The following IL19 variants were observed in gnomAD, a reference collection of about 807,000 sequenced individuals.
IL19 encodes the protein interleukin-19.
IL19 carries 15 observed loss-of-function variants against 19.5 expected under a neutral mutation model. The ratio of observed to expected loss-of-function variants is 0.77; its 90% confidence interval spans 0.52 to 1.19. The LOEUF is 1.19. Ranked by LOEUF, IL19 falls within the 50% of genes most tolerant of loss-of-function variation. The pLI is 0.00. For missense variants in IL19, 199 were observed against 213.1 expected (o/e 0.93, Z 0.41); for synonymous variants, 78 against 78.3 (o/e 1.00, Z 0.02).
intron 2 of IL19, among the ~76,000 whole-genome samples, chr1:206,833,001 C>T (rs1676662661): frequency 6.6e-6 from 1 of 152,194 alleles, no homozygotes; most frequent in South Asian, 2.1e-4. Context: ...TTTGTACCAG[C>T]CCAGTGGGGT....
intron 2 of IL19, among the ~76,000 whole-genome samples, chr1:206,819,477 G>A (rs1676241349): frequency 6.6e-6 from 1 of 151,776 alleles, no homozygotes; most frequent in South Asian, 2.1e-4. Context: ...CTAGCTACTC[G>A]GGAGGCTGAG....
Position 206,842,779 on chromosome 1 carries a change from G to C in IL19, c.*157G>C, listed in dbSNP as rs1481133475. 1 of 545,472 alleles carries C rather than the reference G, an allele frequency of 1.8e-6. No individual in the cohort carries two copies. Among genetic ancestry groups the C allele is most frequent in the East Asian group, 2.9e-5 (1 of 34,264 alleles). 33.8% of individuals were successfully genotyped at this position (545,472 alleles called of 1,614,324 possible). A position where few individuals can be genotyped will look rare whatever the true frequency, so the allele number is the denominator to read the frequency against. ...GGCTGTCTTATTCCGCTTGAAAATA[G>C]CCAAAAAGTCTACTGTGGTATTTGT... On this transcript the variant is annotated 3_prime_UTR_variant, in exon 7 of 7. Coordinates refer to ENST00000659997, the MANE Select transcript of IL19 (RefSeq NM_153758.5).
At chr1:206,776,717 A>C (rs1675005718) in intron 1 of IL19, among the ~76,000 whole-genome samples, 1 of 151,888 alleles carries the variant, frequency 6.6e-6, no homozygotes, top group Non-Finnish European at 1.5e-5. Flanking sequence ...TGGTAAAGAG[A>C]GCTCACTAAA....
intron 4 of IL19, among the ~76,000 whole-genome samples, chr1:206,838,583 C>G (rs1326074968): frequency 2.6e-5 from 4 of 152,130 alleles, no homozygotes; most frequent in Non-Finnish European, 4.4e-5. Context: ...ACAGTGAGAC[C>G]TTGGGAGGGA....
At chr1:206,817,433 T>C (rs1298542860) in intron 2 of IL19, among the ~76,000 whole-genome samples, 1 of 152,238 alleles carries the variant, frequency 6.6e-6, no homozygotes, top group Admixed American at 6.5e-5. Flanking sequence ...AAAAACTCAA[T>C]GTCATTATAT....
At position 206,840,383 on chromosome 1, in the gene IL19, C is replaced by T. The variant is rs555554637; in HGVS notation, c.363+381C>T. 8.9e-6 allele frequency: 3 copies of T among 335,974 alleles called. No homozygotes were observed. The East Asian group carries it at 2.3e-4, about 26-fold the overall frequency. The allele number at this position is 335,974 out of a possible 1,614,324, so 20.8% of individuals were successfully genotyped here. A position where few individuals can be genotyped will look rare whatever the true frequency, so the allele number is the denominator to read the frequency against. On this transcript the variant is annotated intron_variant, in intron 5 of 6. Coordinates refer to ENST00000659997, the MANE Select transcript of IL19 (RefSeq NM_153758.5). ...GGTAGTTCCTTGGTATGGCCTATCC[C>T]TAAAGGTTACTTAGAAATTCATTGC...
intron 1 of IL19, among the ~76,000 whole-genome samples, chr1:206,788,625 C>T (rs1675319710): frequency 6.6e-6 from 1 of 152,074 alleles, no homozygotes; most frequent in South Asian, 2.1e-4. Flanking sequence ...TGCGCCTCAT[C>T]CAGGCCTCTG....
At chr1:206,785,653 A>G (rs1219507189) in intron 1 of IL19, among the ~76,000 whole-genome samples, 1 of 152,258 alleles carries the variant, frequency 6.6e-6, no homozygotes, top group Non-Finnish European at 1.5e-5. Flanking sequence ...GAGAGGGAGC[A>G]GAGTGTGACA....
intron 2 of IL19, among the ~76,000 whole-genome samples, chr1:206,809,901 A>C (rs1675955495): frequency 6.6e-6 from 1 of 152,236 alleles, no homozygotes; most frequent in Admixed American, 6.5e-5. Flanking sequence ...CCAGGTGTGG[A>C]ATCAACCATC....
chr1:206,821,562 G>A (rs1484356589), intron 2 of IL19, among the ~76,000 whole-genome samples: 1 of 152,230 alleles, frequency 6.6e-6, no homozygotes, highest in Admixed American at 6.5e-5. Context: ...TCCTCTGGAA[G>A]AGAAAGTGTG....
At chr1:206,804,166 A>G (rs894432844) in intron 2 of IL19, among the ~76,000 whole-genome samples, 3 of 152,168 alleles carry the variant, frequency 2.0e-5, no homozygotes, top group African/African-American at 7.2e-5. Context: ...ATATTTAAAT[A>G]TGGGTTGCTT....
In IL19 at chr1:206,829,936, G is replaced by A. The variant is rs185961362; in HGVS notation, c.-2-6725G>A. On this transcript the variant is annotated intron_variant, in intron 2 of 6. Coordinates refer to ENST00000659997, the MANE Select transcript of IL19 (RefSeq NM_153758.5). ...TGGCATAGGTGCCCAATGTGGATTTGTGCTTCCCTCCCCAGGAGCACAGGT... is the reference window on the plus strand; with the variant it reads ...TGGCATAGGTGCCCAATGTGGATTTATGCTTCCCTCCCCAGGAGCACAGGT... 2.0e-5 allele frequency among the ~76,000 whole-genome samples: 3 copies of A among 152,348 alleles called. No homozygotes were observed. In the East Asian group the frequency reaches 5.8e-4, roughly 29 times the overall value.
At chr1:206,834,414 T>A (rs1304047151) in intron 2 of IL19, 6 of 985,548 alleles carry the variant, frequency 6.1e-6, no homozygotes, top group Non-Finnish European at 7.2e-6. Context: ...AGGCTCACGC[T>A]GTCCGTCATC....
chr1:206,772,186 G>A, intron 1 of IL19: 1 of 1,212,486 alleles, frequency 8.2e-7, no homozygotes, highest in African/African-American at 1.5e-5. Context: ...TGGAGGCGCA[G>A]GAGGAGGGTT....
chr1:206,820,692 CTACTT>C (rs1676270540), intron 2 of IL19, among the ~76,000 whole-genome samples: 1 of 152,242 alleles, frequency 6.6e-6, no homozygotes, highest in South Asian at 2.1e-4. Context: ...CAGTGGGCCT[CTACTT>C]TACTGTGGCA....
intron 6 of IL19, among the ~76,000 whole-genome samples, chr1:206,841,730 T>C (rs1355059745): frequency 6.6e-6 from 1 of 152,202 alleles, no homozygotes; most frequent in Non-Finnish European, 1.5e-5. Context: ...TGTAAGATAA[T>C]GTTATAGAAA....
rs188803043 is a variant in IL19, at chr1:206,800,910, A to C, written c.-3+1904A>C. On this transcript the variant is annotated intron_variant, in intron 2 of 6. Transcript: ENST00000659997. Reference sequence around the variant, plus strand: ...GGCATGAGGACCAGGCACAGCCTGGAGACCAACCACCTCTGGCCAGAAACA... The same window carrying C: ...GGCATGAGGACCAGGCACAGCCTGGCGACCAACCACCTCTGGCCAGAAACA... Among the ~76,000 whole-genome samples, 83 of 152,304 alleles carry C rather than the reference A, an allele frequency of 5.4e-4. 2 individuals are homozygous for C. In the East Asian group the frequency reaches 0.013, roughly 23 times the overall value.
intron 1 of IL19, among the ~76,000 whole-genome samples, chr1:206,794,518 G>C (rs1042560813): frequency 1.4e-4 from 22 of 152,060 alleles, no homozygotes; most frequent in Admixed American, 1.4e-3. Context: ...TTATACTATG[G>C]TTGGCCCCGG....
At position 206,771,516 on chromosome 1, in the gene IL19, A is replaced by C. The variant is rs1518110; in HGVS notation, c.-149+438A>C. ...CATTTAGAGATTTTTTTTTTTAAAT[A>C]AAATTGGCTCTGGCCCAAAAAAATC... On this transcript the variant is annotated intron_variant, in intron 1 of 6. Transcript: ENST00000659997. The C allele has an allele frequency of 0.74, 715,457 of 971,306 alleles. 270,706 individuals carry two copies. The highest frequency in any genetic ancestry group is 0.79 in the Non-Finnish European group (491,330 of 621,858). 60.2% of individuals were successfully genotyped at this position (971,306 alleles called of 1,614,324 possible).
Sources: allele counts gnomAD v4.1 joint callset (sites outside exome capture counted in the v4.1 genomes callset), GRCh38; gene constraint gnomAD v4.1.1; transcripts MANE v1.5; gene names NCBI Gene and HGNC (gene_info 2026-07-23, HGNC 2026-07-21).